The following STXBP5L variants were observed in gnomAD, a reference collection of about 807,000 sequenced individuals.
STXBP5L encodes the protein syntaxin binding protein 5L, also known as syntaxin-binding protein 5-like.
A neutral mutation model predicts 144.5 loss-of-function variants in STXBP5L; 65 were observed. The ratio of observed to expected loss-of-function variants is 0.45; its 90% CI spans 0.37 to 0.55. The LOEUF (loss-of-function observed/expected upper bound fraction) is 0.55. STXBP5L is among the 20% of genes least tolerant of loss of function. The pLI, the probability that STXBP5L is intolerant of heterozygous loss-of-function variation, is 0.00. For missense variants in STXBP5L, 1,298 were observed against 1,405.5 expected (o/e 0.92, Z 1.22); for synonymous variants, 505 against 469.6 (o/e 1.08, Z -0.97).
At chr3:121,294,995 A>G (rs1577385115) in intron 19 of STXBP5L, among the ~76,000 whole-genome samples, 2 of 152,198 alleles carry the variant, frequency 1.3e-5, no homozygotes. Context: ...GCAGGTGAGG[A>G]AACAGCACAA....
At chr3:121,145,582 A>T (rs1462319232) in intron 7 of STXBP5L, among the ~76,000 whole-genome samples, 1 of 152,010 alleles carries the variant, frequency 6.6e-6, no homozygotes, top group African/African-American at 2.4e-5. Flanking sequence ...GCAAATGAAA[A>T]TGATCTATTA....
At chr3:121,307,180 G>T (rs570610497) in intron 19 of STXBP5L, among the ~76,000 whole-genome samples, 130 of 152,088 alleles carry the variant, frequency 8.5e-4, no homozygotes, top group Non-Finnish European at 1.3e-3. Flanking sequence ...AACTGGAGAG[G>T]GGAGAGAGGA....
At chr3:121,030,571 C>G (rs1039843264) in intron 3 of STXBP5L, among the ~76,000 whole-genome samples, 1 of 152,010 alleles carries the variant, frequency 6.6e-6, no homozygotes, top group Non-Finnish European at 1.5e-5. Context: ...GGAGAAATAC[C>G]TAATGTAGAT....
intron 9 of STXBP5L, among the ~76,000 whole-genome samples, chr3:121,189,629 G>A (rs2108153106): frequency 6.6e-6 from 1 of 152,302 alleles, no homozygotes; most frequent in East Asian, 1.9e-4. Context: ...CTGTAGCCTT[G>A]TAGTATAGTT....
chr3:121,038,130 C>G (rs1014952423), intron 3 of STXBP5L, among the ~76,000 whole-genome samples: 3 of 151,676 alleles, frequency 2.0e-5, no homozygotes, highest in Non-Finnish European at 4.4e-5. Flanking sequence ...TGATCTGTTT[C>G]TATTTTATTG....
At chr3:121,243,748 G>A (rs1416083212) in intron 14 of STXBP5L, among the ~76,000 whole-genome samples, 1 of 152,130 alleles carries the variant, frequency 6.6e-6, no homozygotes, top group African/African-American at 2.4e-5. Context: ...TCTGGTTTTA[G>A]TAGTGGTATT....
At position 121,229,910 on chromosome 3, in the gene STXBP5L, A is replaced by C. The variant is rs116778707; in HGVS notation, c.1112-3706A>C. Among the ~76,000 whole-genome samples, 817 of 152,282 alleles carry C rather than the reference A, an allele frequency of 5.4e-3. 11 individuals carry two copies. Among genetic ancestry groups the C allele is most frequent in the African/African-American group, 0.019 (783 of 41,566 alleles). Reference sequence around the variant, plus strand: ...GTTTCCCTATAACATATTTTTATGCATATTTAGTCTTTCTCTTAGTATTTC... The same window carrying C: ...GTTTCCCTATAACATATTTTTATGCCTATTTAGTCTTTCTCTTAGTATTTC... On this transcript the variant is annotated intron_variant, in intron 11 of 26. Transcript: ENST00000471454.
intron 3 of STXBP5L, among the ~76,000 whole-genome samples, chr3:121,032,281 T>A (rs1394762662): frequency 1.3e-5 from 2 of 151,676 alleles, no homozygotes; most frequent in African/African-American, 2.4e-5. Flanking sequence ...AGAGTCTTGT[T>A]ATTATAAAAA....
intron 2 of STXBP5L, among the ~76,000 whole-genome samples, chr3:120,947,617 C>G (rs77165733): frequency 9.9e-5 from 15 of 151,866 alleles, no homozygotes; most frequent in Non-Finnish European, 1.3e-4. Context: ...ACAGTCAATT[C>G]CTATTACTCT....
intron 22 of STXBP5L, among the ~76,000 whole-genome samples, chr3:121,387,275 G>A (rs946561368): frequency 3.3e-5 from 5 of 152,154 alleles, no homozygotes; most frequent in Admixed American, 2.6e-4. Context: ...GTGTAAATTT[G>A]TTTGAGTTCT....
chr3:120,970,344 C>T (rs1328784101), intron 3 of STXBP5L, among the ~76,000 whole-genome samples: 2 of 151,928 alleles, frequency 1.3e-5, no homozygotes, highest in Non-Finnish European at 2.9e-5. Flanking sequence ...GATTGAATAG[C>T]TTTTAGTATT....
At chr3:121,170,523 T>C (rs2203797) in intron 9 of STXBP5L, among the ~76,000 whole-genome samples, 72,129 of 151,900 alleles carry the variant, frequency 0.47, 17,721 homozygotes, top group African/African-American at 0.56. Flanking sequence ...ACCACTGATC[T>C]CACAAAAATA....
At chr3:120,922,446 C>A (rs563340901) in intron 2 of STXBP5L, among the ~76,000 whole-genome samples, 1 of 151,996 alleles carries the variant, frequency 6.6e-6, no homozygotes, top group East Asian at 1.9e-4. Flanking sequence ...CAATTGGATA[C>A]CCCTTTATTT....
intron 6 of STXBP5L, among the ~76,000 whole-genome samples, chr3:121,118,416 T>C (rs941673385): frequency 1.3e-5 from 2 of 151,710 alleles, no homozygotes; most frequent in Non-Finnish European, 3.0e-5. Context: ...GAATATAAGA[T>C]AATTTTCTGC....
chr3:121,228,237 C>T (rs1376201580), intron 11 of STXBP5L, among the ~76,000 whole-genome samples: 1 of 152,152 alleles, frequency 6.6e-6, no homozygotes, highest in Non-Finnish European at 1.5e-5. Context: ...CCAACAAGGA[C>T]AGCATGAAGT....
chr3:121,183,635 A>G (rs1315769922), intron 9 of STXBP5L, among the ~76,000 whole-genome samples: 1 of 151,416 alleles, frequency 6.6e-6, no homozygotes, highest in Non-Finnish European at 1.5e-5. Context: ...GGGAGGGAGG[A>G]AGGAAAGAAA....
intron 9 of STXBP5L, among the ~76,000 whole-genome samples, chr3:121,160,901 T>C (rs1205539163): frequency 6.6e-6 from 1 of 152,166 alleles, no homozygotes; most frequent in African/African-American, 2.4e-5. Context: ...ATATACTTCC[T>C]TAACTATTCA....
intron 19 of STXBP5L, among the ~76,000 whole-genome samples, chr3:121,298,385 A>G (rs965775412): frequency 2.6e-5 from 4 of 152,250 alleles, no homozygotes; most frequent in East Asian, 1.9e-4. Context: ...AGAAGAAAAT[A>G]TAGGTGAAAA....
intron 4 of STXBP5L, among the ~76,000 whole-genome samples, chr3:121,043,527 G>T (rs1461226979): frequency 6.6e-6 from 1 of 152,032 alleles, no homozygotes; most frequent in Non-Finnish European, 1.5e-5. Flanking sequence ...TGGCCAACAT[G>T]GTGAAACCCC....
Sources: gnomAD v4.1 joint callset for allele counts (sites outside exome capture counted in the v4.1 genomes callset) on GRCh38, gnomAD v4.1.1 for gene constraint, MANE v1.5 for transcripts, NCBI Gene and HGNC (gene_info 2026-07-23, HGNC 2026-07-21) for gene names.